PRKAG3: variants seen among roughly 807,000 people sequenced by gnomAD.
PRKAG3 encodes 5'-AMP-activated protein kinase subunit gamma-3.
PRKAG3 carries 39 observed loss-of-function variants against 56.5 expected under a neutral mutation model. The ratio of observed to expected loss-of-function variants is 0.69; its 90% CI spans 0.53 to 0.90. PRKAG3 has a LOEUF of 0.90. PRKAG3 is among the 40% of genes least tolerant of loss of function. The probability of loss-of-function intolerance (pLI) is 0.00; values close to 1 mark genes in which losing one functional copy is unlikely to be tolerated. For synonymous variants in PRKAG3, 243 were observed against 250.1 expected (o/e 0.97, Z 0.27); for missense variants, 628 against 627.5 (o/e 1.00, Z -0.01).
In PRKAG3 at chr2:218,830,897, C is replaced by T. The variant is rs780521432; in HGVS notation, c.78G>A (p.Met26Ile). The stretch of plus-strand genomic sequence containing the variant: ...TGCTGTTTTCTTGCTCTAGGAAGCT[C>T]ATCTCTGGAAGGGGAATGGGGCCTG... The change falls in exon 3 of 13, where the codon ATG (methionine) becomes ATA (isoleucine). Residue 26 changes from methionine (M) to isoleucine (I), a missense_variant. Physicochemically the swap from Met to Ile is conservative, Grantham distance 10. Transcript: ENST00000529249. The T allele has an allele frequency of 2.1e-5, 34 of 1,613,690 alleles. No individual in the cohort carries two copies. Among genetic ancestry groups the T allele is most frequent in the Non-Finnish European group, 2.5e-5 (29 of 1,180,018 alleles).
chr2:218,831,279 G>T, intron 2 of PRKAG3, 57 bp downstream of exon 2: 2 of 1,346,010 alleles, frequency 1.5e-6, no homozygotes, highest in South Asian at 2.8e-5. Context: ...CCAGAAAAGT[G>T]GGGGACAAGG....
intron 4 of PRKAG3, 112 bp from the exon 5 acceptor site, chr2:218,828,712 A>ATGGAAGAACCCTGGGT: frequency 3.3e-6 from 3 of 917,992 alleles, no homozygotes; most frequent in Non-Finnish European, 4.9e-6. Context: ...TGTCCCACCC[A>ATGGAAGAACCCTGGGT]GGGTTCTTCC....
rs149032691 is a variant in PRKAG3, at chr2:218,829,465, C to T, written c.633+513G>A. 7.0e-3 allele frequency among the ~76,000 whole-genome samples: 1,062 copies of T among 151,948 alleles called. 8 individuals are homozygous for T. The highest frequency in any genetic ancestry group is 0.011 in the Non-Finnish European group (771 of 67,960). On this transcript the variant is annotated intron_variant, in intron 4 of 12. Transcript: ENST00000529249. ...CCTCCAAAGTAGCTGGGATTACAGG[C>T]GCCCACCACCACGGCCGGCTAATTT...
At position 218,830,127 on chromosome 2, in the gene PRKAG3, A is replaced by AC; in HGVS notation, c.483dup (p.Ser162ValfsTer13). ...AGCTTGGGAAATGGGGCCTGCGGGG[A>AC]CAGGCACAGGGCAGGCCTCTCTTCC... is the stretch of plus-strand genomic sequence containing the variant. On this transcript the variant is annotated frameshift_variant, in exon 4 of 13. Coordinates refer to ENST00000529249, the Ensembl canonical transcript of PRKAG3. LOFTEE classifies it high-confidence loss of function. The AC allele has an allele frequency of 6.2e-7, 1 of 1,613,274 alleles. No homozygotes were observed. The highest frequency in any genetic ancestry group is 1.3e-5 in the African/African-American group (1 of 74,982).
At chr2:218,826,990 A>C (rs1943942073) in exon 10 of PRKAG3, 1 of 1,614,128 alleles carries the variant, frequency 6.2e-7, no homozygotes, top group Non-Finnish European at 8.5e-7. Flanking sequence ...CAGTGCAGTC[A>C]GGATGGGTGC....
Position 218,830,651 on chromosome 2 carries a change from TTATGGAGGGACCTGAGG to T in PRKAG3, c.229+78_229+94del, listed in dbSNP as rs1475289129. ...GATGAAGGTTGGGTCCAACTCTGTG[TTATGGAGGGACCTGAGG>T]TAGAGACCAGACCCAGGCTCCTCTG... is the stretch of plus-strand genomic sequence containing the variant. On this transcript the variant is annotated intron_variant, in intron 3 of 12. Transcript: ENST00000529249. 1.4e-5 allele frequency: 20 copies of T among 1,449,702 alleles called. No individual in the cohort carries two copies. The East Asian group carries it at 4.6e-4, about 33-fold the overall frequency. The allele number at this position is 1,449,702 out of a possible 1,614,324, so 89.8% of individuals were successfully genotyped here.
rs762550338 is a variant in PRKAG3, at chr2:218,827,549, T to G, written c.875+26A>C. On this transcript the variant is annotated intron_variant, in intron 8 of 12. Coordinates refer to ENST00000529249, the Ensembl canonical transcript of PRKAG3. The surrounding 1 kb of genome is among the most constrained non-coding windows in gnomAD (Gnocchi z 5.3). ...GAAGGGGACTGTGGGAGGAGGAGGC[T>G]CAGGTGAATGAGCAGAGACACCCAC... is the stretch of plus-strand genomic sequence containing the variant. 2 of 1,611,282 alleles carry G rather than the reference T, an allele frequency of 1.2e-6. No homozygotes were observed. Among genetic ancestry groups the G allele is most frequent in the South Asian group, 2.2e-5 (2 of 90,978 alleles).
rs10190338 is a variant in PRKAG3 at position 218,830,602 on chromosome 2, T to C, written c.229+144A>G. On this transcript the variant is annotated intron_variant, in intron 3 of 12. Coordinates refer to ENST00000529249, the Ensembl canonical transcript of PRKAG3. ...GGCACTGCAGTGCCTTGTTCTCTAC[T>C]ATGTAGGGAGACTGAGGCCACAAGA... 0.032 allele frequency: 37,785 copies of C among 1,176,092 alleles called. 8,324 individuals carry two copies. In the African/African-American group the frequency reaches 0.5, roughly 15 times the overall value. 72.9% of individuals were successfully genotyped at this position (1,176,092 alleles called of 1,614,324 possible).
At chr2:218,831,016 A>G (rs1944012213) in intron 2 of PRKAG3, 115 bp from the exon 3 acceptor site, 2 of 1,277,492 alleles carry the variant, frequency 1.6e-6, no homozygotes, top group South Asian at 2.4e-5. Context: ...TCTCCAACAT[A>G]TTTCTCATTT....
chr2:218,823,059 T>G (rs1943878065), downstream of PRKAG3: 1 of 968,044 alleles, frequency 1.0e-6, no homozygotes, highest in South Asian at 4.8e-5. Flanking sequence ...AAGGGCAATT[T>G]GGGAGGGCTG....
chr2:218,827,946 G>A lies in PRKAG3; in HGVS notation c.774+58C>T. Reference sequence around the variant, plus strand: ...CTTCTAGGGCACCAGGCTCCAGGAGGACTCCCCTCCGCCCCCGCCCCTCTG... The same window carrying A: ...CTTCTAGGGCACCAGGCTCCAGGAGAACTCCCCTCCGCCCCCGCCCCTCTG... On this transcript the variant is annotated intron_variant, in intron 6 of 12. Coordinates refer to ENST00000529249, the Ensembl canonical transcript of PRKAG3. This position sits in a 1 kb window ranked among gnomAD's most constrained non-coding sequence, Gnocchi z 5.3. The A allele has an allele frequency of 6.2e-7, 1 of 1,607,160 alleles. No individual in the cohort carries two copies. The highest frequency in any genetic ancestry group is 8.5e-7 in the Non-Finnish European group (1 of 1,175,988).
chr2:218,828,786 C>A (rs908180529), intron 4 of PRKAG3, among the ~76,000 whole-genome samples, 186 bp from the exon 5 acceptor site: 4 of 152,280 alleles, frequency 2.6e-5, no homozygotes, highest in Admixed American at 6.5e-5. Flanking sequence ...TCACAGTACA[C>A]GCTAGACATG....
At chr2:218,829,325 C>CT (rs200071537) in intron 4 of PRKAG3, among the ~76,000 whole-genome samples, 318 of 143,080 alleles carry the variant, frequency 2.2e-3, no homozygotes, top group East Asian at 8.8e-3. Flanking sequence ...TCTGTGATGC[C>CT]TTTTTTTTTT....
In PRKAG3 at chr2:218,827,482, G is replaced by T; in HGVS notation, c.875+93C>A. 1 of 1,598,260 alleles carries T rather than the reference G, an allele frequency of 6.3e-7. No homozygotes were observed. On this transcript the variant is annotated intron_variant, in intron 8 of 12. Coordinates refer to ENST00000529249, the Ensembl canonical transcript of PRKAG3. The surrounding 1 kb of genome is among the most constrained non-coding windows in gnomAD (Gnocchi z 5.3). ...ACCAAGGCTCCCTTGTCTGTGTGCC[G>T]CCTAGGATGAAGAGGTGAGTTCAGA...
At chr2:218,822,716 G>C (rs1406187060), downstream of PRKAG3, 2 of 225,118 alleles carry the variant, frequency 8.9e-6, no homozygotes, top group Admixed American at 1.3e-4. Context: ...CTGAAATGCA[G>C]CATTTCAGCA....
chr2:218,827,535 T>C lies in PRKAG3; in HGVS notation c.875+40A>G, dbSNP rs1463836546. 7 of 1,606,800 alleles carry C rather than the reference T, an allele frequency of 4.4e-6. No homozygotes were observed. The highest frequency in any genetic ancestry group is 2.7e-5 in the African/African-American group (2 of 74,662). On this transcript the variant is annotated intron_variant, in intron 8 of 12. Transcript: ENST00000529249. This position sits in a 1 kb window ranked among gnomAD's most constrained non-coding sequence, Gnocchi z 5.3. ...TGAGTGGGACTGGGGAAGGGGACTG[T>C]GGGAGGAGGAGGCTCAGGTGAATGA... is the stretch of plus-strand genomic sequence containing the variant.
At chr2:218,830,255 G>A (rs1374085329) in exon 4 of PRKAG3, 2 of 1,613,906 alleles carry the variant, frequency 1.2e-6, no homozygotes, top group Non-Finnish European at 1.7e-6. Context: ...TGTACAGTCA[G>A]AGGGGAGGCA....
chr2:218,824,193 TG>T (rs770628187), intron 12 of PRKAG3, 28 bp downstream of exon 12: 1 of 1,613,982 alleles, frequency 6.2e-7, no homozygotes, highest in Non-Finnish European at 8.5e-7. Flanking sequence ...CTATATGTGT[TG>T]GGGGCATGAA....
intron 5 of PRKAG3, 151 bp from the exon 6 acceptor site, chr2:218,828,213 G>T: frequency 1.2e-6 from 1 of 815,554 alleles, no homozygotes; most frequent in Non-Finnish European, 1.9e-6. Flanking sequence ...CCCCAGGCCT[G>T]AGAAGTGGGG....
Sources: allele counts gnomAD v4.1 joint callset (sites outside exome capture counted in the v4.1 genomes callset), GRCh38; gene constraint gnomAD v4.1.1; non-coding constraint Gnocchi (gnomAD v3.1); transcripts MANE v1.5; gene names NCBI Gene and HGNC (gene_info 2026-07-23, HGNC 2026-07-21).